The following CPB2 variants were observed in gnomAD, a reference collection of about 807,000 sequenced individuals.
The protein encoded by CPB2 is carboxypeptidase B-like protein.
CPB2 carries 54 observed loss-of-function variants against 57.0 expected under a neutral mutation model. The observed-to-expected ratio is 0.95, with a 90% CI of 0.76 to 1.19. CPB2 has a LOEUF of 1.19. Ranked by LOEUF, CPB2 falls within the 50% of genes most tolerant of loss-of-function variation. CPB2 has a pLI of 0.00. For missense variants in CPB2, 426 were observed against 512.0 expected, an observed-to-expected ratio of 0.83 and a Z score of 1.62; for synonymous variants, 189 against 178.1, an observed-to-expected ratio of 1.06 and a Z score of -0.49.
At chr13:46,069,278 TGGCTA>T (rs1337694518) in intron 6 of CPB2, among the ~76,000 whole-genome samples, 2 of 152,216 alleles carry the variant, frequency 1.3e-5, no homozygotes, top group Non-Finnish European at 2.9e-5. Context: ...CCTTCAAGTG[TGGCTA>T]TAGCTACAAT....
chr13:46,063,889 TAAAG>T (rs776852671), intron 8 of CPB2, among the ~76,000 whole-genome samples: 3 of 151,596 alleles, frequency 2.0e-5, no homozygotes, highest in South Asian at 2.1e-4. Flanking sequence ...TATTATTTAT[TAAAG>T]AAATTAAGAA....
At chr13:46,065,513 G>T (rs185826416) in intron 7 of CPB2, among the ~76,000 whole-genome samples, 141 of 151,316 alleles carry the variant, frequency 9.3e-4, no homozygotes, top group Non-Finnish European at 1.5e-3. Context: ...TGTAGTCCCA[G>T]CTACTCGGGA....
At chr13:46,089,630 C>T (rs908262239) in intron 1 of CPB2, among the ~76,000 whole-genome samples, 3 of 152,056 alleles carry the variant, frequency 2.0e-5, no homozygotes, top group Admixed American at 6.6e-5. Context: ...ATCCTAACCT[C>T]CAAGGTATTA....
Position 46,064,781 on chromosome 13 carries a change from C to G in CPB2, c.703-40G>C, listed in dbSNP as rs1285728935. 5 of 1,514,182 alleles carry G rather than the reference C, an allele frequency of 3.3e-6. 1 individual carries two copies. The South Asian group carries it at 4.5e-5, about 14-fold the overall frequency. The allele number at this position is 1,514,182 out of a possible 1,614,324, so 93.8% of individuals were successfully genotyped here. Reference sequence around the variant, plus strand: ...TACAAACAGACAACCTGGGTAGCCACGTTCAAGGCCTGAGGAAAGACATGC... The same window carrying G: ...TACAAACAGACAACCTGGGTAGCCAGGTTCAAGGCCTGAGGAAAGACATGC... On this transcript the variant is annotated intron_variant, in intron 7 of 10. Transcript: ENST00000181383.
At chr13:46,089,728 C>G (rs1055014775) in intron 1 of CPB2, among the ~76,000 whole-genome samples, 10 of 152,088 alleles carry the variant, frequency 6.6e-5, no homozygotes, top group African/African-American at 2.4e-4. Context: ...GATCCCCTCC[C>G]CCTTCCACCA....
rs1026021797 is a variant in CPB2 at position 46,073,724 on chromosome 13, C to A, written c.591+149G>T. 4.3e-5 allele frequency: 22 copies of A among 510,874 alleles called. No individual in the cohort carries two copies. In the South Asian group the frequency reaches 1.2e-3, roughly 29 times the overall value. 31.6% of individuals were successfully genotyped at this position (510,874 alleles called of 1,614,324 possible). A position where few individuals can be genotyped will look rare whatever the true frequency, so the allele number is the denominator to read the frequency against. On this transcript the variant is annotated intron_variant, in intron 6 of 10. Coordinates refer to ENST00000181383, the MANE Select transcript of CPB2 (RefSeq NM_001872.5). The stretch of plus-strand genomic sequence containing the variant: ...CTTCAACTTACTAATGCATAAAAGT[C>A]ACCTGGGAAACTTGTGAAAATTGTA...
chr13:46,093,857 C>T (rs933325159), intron 1 of CPB2, among the ~76,000 whole-genome samples: 5 of 152,012 alleles, frequency 3.3e-5, no homozygotes, highest in Non-Finnish European at 5.9e-5. Context: ...TACAATTATA[C>T]CCAGGGAGGT....
At chr13:46,079,535 C>CAAAAA (rs58164990) in intron 4 of CPB2, among the ~76,000 whole-genome samples, 394 of 110,658 alleles carry the variant, frequency 3.6e-3, no homozygotes, top group South Asian at 4.8e-3. Context: ...AAGGAAAAAG[C>CAAAAA]AAAAAAAAAA....
rs765738332 is a variant in CPB2 at position 46,087,834 on chromosome 13, T to C, written c.75-14A>G. 9 of 1,557,190 alleles carry C rather than the reference T, an allele frequency of 5.8e-6. No homozygotes were observed. In the South Asian group the frequency reaches 1.0e-4, roughly 18 times the overall value. On this transcript the variant is annotated splice_polypyrimidine_tract_variant and intron_variant, in intron 1 of 10. Transcript: ENST00000181383. ...AGAACTTGGCCACTGGGGAAAAAAATAAAAGAGGATTTTGATATTAAATAA... is the reference window on the plus strand; with the variant it reads ...AGAACTTGGCCACTGGGGAAAAAAACAAAAGAGGATTTTGATATTAAATAA...
At chr13:46,104,141 C>G (rs2045467297) in intron 1 of CPB2, among the ~76,000 whole-genome samples, 1 of 152,068 alleles carries the variant, frequency 6.6e-6, no homozygotes, top group South Asian at 2.1e-4. Context: ...CTGGTATATT[C>G]CTTTGCCCTA....
At chr13:46,102,540 C>CAAAAAAAAAA (rs10624204) in intron 1 of CPB2, among the ~76,000 whole-genome samples, 4 of 108,222 alleles carry the variant, frequency 3.7e-5, no homozygotes, top group South Asian at 3.4e-4. Context: ...ATGATTATGA[C>CAAAAAAAAAA]AAAAAAAAAA....
At chr13:46,088,994 T>A (rs914972112) in intron 1 of CPB2, among the ~76,000 whole-genome samples, 8 of 151,778 alleles carry the variant, frequency 5.3e-5, no homozygotes, top group South Asian at 2.1e-4. Context: ...TTTTTTTTTT[T>A]AATCATTTCC....
chr13:46,082,687 G>T, intron 3 of CPB2, 138 bp from the exon 4 acceptor site: 1 of 545,014 alleles, frequency 1.8e-6, no homozygotes, highest in Non-Finnish European at 3.3e-6. Flanking sequence ...CAAGGTAAAA[G>T]TAAGACATCT....
chr13:46,057,605 C>T (rs1240153773), intron 9 of CPB2, among the ~76,000 whole-genome samples: 1 of 152,144 alleles, frequency 6.6e-6, no homozygotes, highest in Non-Finnish European at 1.5e-5. Flanking sequence ...CTAAAAAGTG[C>T]TAAGGGAGTA....
chr13:46,063,023 C>G (rs2044797874), intron 8 of CPB2, among the ~76,000 whole-genome samples: 1 of 152,044 alleles, frequency 6.6e-6, no homozygotes, highest in Non-Finnish European at 1.5e-5. Flanking sequence ...CCTTATGGGC[C>G]CCATGGAGCC....
At position 46,084,263 on chromosome 13, in the gene CPB2, G is replaced by A. The variant is rs546264622; in HGVS notation, c.231C>T (p.Val77=). Reference sequence around the variant, plus strand: ...CATTTAAATGGGCTTTCACATTGTCGACATCAGATGCATTTACAAAAAAAT... The same window carrying A: ...CATTTAAATGGGCTTTCACATTGTCAACATCAGATGCATTTACAAAAAAAT... ...QVHFFVNASD[V]DNVKAHLNVS... Residue 77 remains valine (V), a synonymous_variant, in exon 3 of 11, where the codon GTC becomes GTT. Coordinates refer to ENST00000181383, the MANE Select transcript of CPB2 (RefSeq NM_001872.5). The A allele has an allele frequency of 1.0e-4, 165 of 1,614,066 alleles. 1 individual carries two copies. The highest frequency in any genetic ancestry group is 1.4e-4 in the South Asian group (13 of 91,072).
intron 5 of CPB2, among the ~76,000 whole-genome samples, chr13:46,074,440 G>T (rs1157251075): frequency 6.6e-6 from 1 of 151,922 alleles, no homozygotes; most frequent in African/African-American, 2.4e-5. Context: ...TTTTTATGTG[G>T]ATTATTTCTT....
At chr13:46,058,070 C>A in intron 9 of CPB2, 109 bp downstream of exon 9, 1 of 816,684 alleles carries the variant, frequency 1.2e-6, no homozygotes, top group Non-Finnish European at 2.0e-6. Context: ...TTTAAAACAT[C>A]TATCATTTGC....
At chr13:46,076,009 G>T (rs887112897) in intron 5 of CPB2, among the ~76,000 whole-genome samples, 15 of 152,094 alleles carry the variant, frequency 9.9e-5, no homozygotes, top group African/African-American at 3.6e-4. Flanking sequence ...TAACCAAATG[G>T]GTGGAAATTG....
Sources: allele counts gnomAD v4.1 joint callset (sites outside exome capture counted in the v4.1 genomes callset), GRCh38; gene constraint gnomAD v4.1.1; transcripts MANE v1.5; gene names NCBI Gene and HGNC (gene_info 2026-07-23, HGNC 2026-07-21).